The following SLC44A5 variants were observed in gnomAD, a reference collection of about 807,000 sequenced individuals.
The protein encoded by SLC44A5 is solute carrier family 44 member 5, also known as choline transporter-like protein 5.
A neutral mutation model predicts 101.8 loss-of-function variants in SLC44A5; 57 were observed. That is an observed-to-expected ratio of 0.56 (90% CI 0.45 to 0.70). The LOEUF is 0.70. Among genes scored for constraint, SLC44A5 ranks in the 30% least tolerant of loss-of-function variants. The pLI is 0.00. For synonymous variants in SLC44A5, 281 were observed against 290.9 expected (o/e 0.97, Z 0.35); for missense variants, 737 against 853.1 (o/e 0.86, Z 1.70).
chr1:75,270,048 C>T (rs1055022588), intron 6 of SLC44A5, among the ~76,000 whole-genome samples: 1 of 152,102 alleles, frequency 6.6e-6, no homozygotes, highest in African/African-American at 2.4e-5. Flanking sequence ...GTGCCTTTTG[C>T]CTTCTGCCAT....
chr1:75,285,130 T>C (rs919129074), intron 5 of SLC44A5, among the ~76,000 whole-genome samples: 3 of 147,006 alleles, frequency 2.0e-5, no homozygotes, highest in Non-Finnish European at 4.6e-5. Flanking sequence ...ATCTGTCTGG[T>C]CCTGGACTTT....
At chr1:75,487,732 T>C (rs952136890) in intron 2 of SLC44A5, among the ~76,000 whole-genome samples, 2 of 152,078 alleles carry the variant, frequency 1.3e-5, no homozygotes, top group African/African-American at 4.8e-5. Flanking sequence ...TGTCATAGAG[T>C]ATACTTACAA....
chr1:75,583,827 T>C (rs1305802502), intron 1 of SLC44A5, among the ~76,000 whole-genome samples: 1 of 152,214 alleles, frequency 6.6e-6, no homozygotes, highest in Non-Finnish European at 1.5e-5. Context: ...ACATGTGATT[T>C]GGTGGTGAGG....
chr1:75,478,492 G>C (rs1667589456), intron 2 of SLC44A5, among the ~76,000 whole-genome samples: 1 of 152,138 alleles, frequency 6.6e-6, no homozygotes, highest in Non-Finnish European at 1.5e-5. Context: ...TCAGTGTGCT[G>C]TATTCAGGAA....
At chr1:75,213,876 C>T (rs746253881) in intron 21 of SLC44A5, 43 bp downstream of exon 21, 2 of 1,509,466 alleles carry the variant, frequency 1.3e-6, no homozygotes, top group Admixed American at 2.0e-5. Flanking sequence ...TTCCAAGCAT[C>T]TTTTAAACTT....
At chr1:75,484,770 A>T (rs2101791205) in intron 2 of SLC44A5, among the ~76,000 whole-genome samples, 1 of 152,356 alleles carries the variant, frequency 6.6e-6, no homozygotes, top group South Asian at 2.1e-4. Flanking sequence ...TTTGAAAGCT[A>T]GGTGGAGGCT....
At chr1:75,697,131 A>G in the SLC44A5 span, among the ~76,000 whole-genome samples, 5 of 152,214 alleles carry the variant, frequency 3.3e-5, no homozygotes, top group South Asian at 2.1e-4. Flanking sequence ...TAAGGGAGCC[A>G]GACATGGTGG....
chr1:75,302,947 A>G (rs1654611977), intron 4 of SLC44A5, among the ~76,000 whole-genome samples: 1 of 152,160 alleles, frequency 6.6e-6, no homozygotes, highest in African/African-American at 2.4e-5. Flanking sequence ...TAAGACATAA[A>G]TTATTTATTT....
intron 17 of SLC44A5, 147 bp from the exon 18 acceptor site, chr1:75,218,107 G>A: frequency 1.6e-6 from 1 of 638,658 alleles, no homozygotes; most frequent in Non-Finnish European, 2.7e-6. Context: ...ATTGATAAAA[G>A]TCTCTATAGA....
chr1:75,534,205 A>T (rs1262020992), intron 2 of SLC44A5, among the ~76,000 whole-genome samples: 1 of 152,192 alleles, frequency 6.6e-6, no homozygotes, highest in East Asian at 1.9e-4. Context: ...GATATTTAAA[A>T]TTTTAAAGTG....
chr1:75,586,433 C>T (rs374179253), intron 1 of SLC44A5, among the ~76,000 whole-genome samples: 11 of 148,110 alleles, frequency 7.4e-5, no homozygotes, highest in South Asian at 6.5e-4. Context: ...GTTTCTCTGG[C>T]GAACCCTAAT....
intron 2 of SLC44A5, among the ~76,000 whole-genome samples, chr1:75,416,155 G>C (rs1303551729): frequency 6.6e-6 from 1 of 152,174 alleles, no homozygotes. Context: ...CACAGGCCCA[G>C]AGGCCTAGGA....
chr1:75,287,426 C>CTTTT (rs371647505), intron 5 of SLC44A5, among the ~76,000 whole-genome samples: 4,930 of 69,866 alleles, frequency 0.071, 328 homozygotes, highest in East Asian at 0.23. Context: ...CTTCTGAATT[C>CTTTT]TTTTTTTTTT....
chr1:75,678,673 A>G, the SLC44A5 span, among the ~76,000 whole-genome samples: 1 of 151,540 alleles, frequency 6.6e-6, no homozygotes. Context: ...AAAACAGAAC[A>G]GAAAAACTGG....
At chr1:75,403,319 A>G (rs1036742173) in intron 2 of SLC44A5, among the ~76,000 whole-genome samples, 2 of 152,126 alleles carry the variant, frequency 1.3e-5, no homozygotes, top group Non-Finnish European at 2.9e-5. Flanking sequence ...AGAGCAGCAA[A>G]TCTCCCAGCA....
At chr1:75,300,014 C>CAAAAAAAAAAAAAAAA (rs35608663) in intron 5 of SLC44A5, among the ~76,000 whole-genome samples, 4 of 93,796 alleles carry the variant, frequency 4.3e-5, no homozygotes, top group African/African-American at 1.1e-4. Flanking sequence ...GACTCTGTCT[C>CAAAAAAAAAAAAAAAA]AAAAAAAAAA....
At chr1:75,699,025 G>T in the SLC44A5 span, among the ~76,000 whole-genome samples, 3 of 152,306 alleles carry the variant, frequency 2.0e-5, no homozygotes, top group Admixed American at 6.5e-5. Flanking sequence ...ATCTACATCT[G>T]ATTGGTGTAC....
At chr1:75,500,544 C>T (rs1668905431) in intron 2 of SLC44A5, among the ~76,000 whole-genome samples, 1 of 152,040 alleles carries the variant, frequency 6.6e-6, no homozygotes, top group East Asian at 1.9e-4. Flanking sequence ...TAGGAGAGGC[C>T]AACCCTGTCA....
chr1:75,697,930 C>T, the SLC44A5 span, among the ~76,000 whole-genome samples: 1 of 152,204 alleles, frequency 6.6e-6, no homozygotes, highest in Non-Finnish European at 1.5e-5. Flanking sequence ...CAACCGAATA[C>T]TGTGCTTTTC....
Sources: gnomAD v4.1 joint callset for allele counts (sites outside exome capture counted in the v4.1 genomes callset) on GRCh38, gnomAD v4.1.1 for gene constraint, MANE v1.5 for transcripts, NCBI Gene and HGNC (gene_info 2026-07-23, HGNC 2026-07-21) for gene names.